CDC42BPA: variants seen among roughly 807,000 people sequenced by gnomAD.
CDC42BPA encodes CDC42 binding protein kinase alpha.
In CDC42BPA, 80 loss-of-function variants were observed where a neutral mutation model predicts 223.5. The observed-to-expected ratio is 0.36, with a 90% CI of 0.30 to 0.43. CDC42BPA has a LOEUF of 0.43. Ranked by LOEUF, CDC42BPA falls within the 20% of genes least tolerant of loss-of-function variation. The pLI, the probability that CDC42BPA is intolerant of heterozygous loss-of-function variation, is 1.00. For synonymous variants in CDC42BPA, 694 were observed against 718.6 expected, an observed-to-expected ratio of 0.97 and a Z score of 0.55; for missense variants, 1,743 against 2,099.9, an observed-to-expected ratio of 0.83 and a Z score of 3.32.
intron 11 of CDC42BPA, among the ~76,000 whole-genome samples, chr1:227,127,927 T>C (rs925893140): frequency 6.6e-6 from 1 of 152,164 alleles, no homozygotes; most frequent in African/African-American, 2.4e-5. Flanking sequence ...GGCCTCACCA[T>C]TCTCGTTAAA....
chr1:227,001,604 G>A (rs977312818), intron 35 of CDC42BPA, among the ~76,000 whole-genome samples: 3 of 152,172 alleles, frequency 2.0e-5, no homozygotes, highest in African/African-American at 2.4e-5. Flanking sequence ...TTCATGTGAT[G>A]ACAAAACCTA....
chr1:227,139,870 T>C, intron 9 of CDC42BPA, 128 bp from the exon 10 acceptor site: 2 of 455,126 alleles, frequency 4.4e-6, no homozygotes, highest in Non-Finnish European at 3.7e-6. Context: ...AAATTGCTCA[T>C]TTAAAACACA....
intron 17 of CDC42BPA, among the ~76,000 whole-genome samples, chr1:227,080,230 TAA>T (rs1471658083): frequency 2.0e-5 from 3 of 150,348 alleles, no homozygotes; most frequent in Non-Finnish European, 4.4e-5. Context: ...TATAAAAAGT[TAA>T]GTTACCTATT....
At chr1:227,101,299 CTTCT>C (rs1268055895) in intron 14 of CDC42BPA, 60 bp from the exon 15 acceptor site, 2 of 1,057,712 alleles carry the variant, frequency 1.9e-6, no homozygotes, top group African/African-American at 3.2e-5. Context: ...ATTTAAATAA[CTTCT>C]TTCTGTAATA....
intron 4 of CDC42BPA, among the ~76,000 whole-genome samples, chr1:227,195,255 G>A (rs944336899): frequency 8.5e-5 from 13 of 152,072 alleles, no homozygotes; most frequent in Non-Finnish European, 1.6e-4. Flanking sequence ...GTGCAGTGGC[G>A]CAATCTTGGT....
At chr1:227,025,974 TAA>T in intron 31 of CDC42BPA, 79 bp downstream of exon 31, 3 of 682,416 alleles carry the variant, frequency 4.4e-6, no homozygotes, top group Admixed American at 3.1e-5. Context: ...GTTGAATTAA[TAA>T]AAAAAAAATT....
intron 31 of CDC42BPA, among the ~76,000 whole-genome samples, chr1:227,024,778 T>C (rs1667958267): frequency 6.6e-6 from 1 of 152,208 alleles, no homozygotes; most frequent in South Asian, 2.1e-4. Context: ...AAATTCTGTA[T>C]TTTAAGAAAA....
chr1:227,281,434 T>A (rs1687999978), intron 1 of CDC42BPA, among the ~76,000 whole-genome samples: 1 of 152,106 alleles, frequency 6.6e-6, no homozygotes, highest in Non-Finnish European at 1.5e-5. Flanking sequence ...CCAGCCCCAT[T>A]CCAGGTCCTG....
At chr1:227,004,867 A>C (rs1663661884) in intron 35 of CDC42BPA, 127 bp downstream of exon 35, 2 of 791,394 alleles carry the variant, frequency 2.5e-6, no homozygotes, top group South Asian at 2.7e-5. Flanking sequence ...AGGGTCTGAG[A>C]CACTGCAGCC....
rs76075685 is a variant in CDC42BPA, at chr1:227,124,741, T to C, written c.1513+4368A>G. Among the ~76,000 whole-genome samples the C allele has an allele frequency of 9.2e-3, 1,393 of 152,168 alleles. 24 individuals are homozygous for C. The highest frequency in any genetic ancestry group is 0.032 in the African/African-American group (1,331 of 41,520). On this transcript the variant is annotated intron_variant, in intron 11 of 36. Transcript: ENST00000366766. Reference sequence around the variant, plus strand: ...GGGCCTTGTATTAGAATTGAGAAATTTCTACTTTATCCTGGAGGCAATGAG... The same window carrying C: ...GGGCCTTGTATTAGAATTGAGAAATCTCTACTTTATCCTGGAGGCAATGAG...
chr1:227,049,887 T>C (rs1008136340), intron 22 of CDC42BPA, among the ~76,000 whole-genome samples: 16 of 152,056 alleles, frequency 1.1e-4, no homozygotes, highest in Admixed American at 6.6e-4. Flanking sequence ...CCTAAACAAG[T>C]AAAAGCAAAA....
intron 4 of CDC42BPA, among the ~76,000 whole-genome samples, chr1:227,195,189 C>T (rs921467605): frequency 1.3e-4 from 20 of 151,960 alleles, no homozygotes; most frequent in African/African-American, 4.4e-4. Flanking sequence ...CTAGGCCCAA[C>T]GTTTTTGTTT....
At chr1:227,231,115 C>T (rs1365531444) in intron 2 of CDC42BPA, among the ~76,000 whole-genome samples, 11 of 150,680 alleles carry the variant, frequency 7.3e-5, no homozygotes, top group Admixed American at 7.3e-4. Flanking sequence ...AGGTATATCT[C>T]CTAATGCTAT....
intron 21 of CDC42BPA, among the ~76,000 whole-genome samples, chr1:227,060,053 C>T (rs1378129546): frequency 8.7e-5 from 8 of 91,752 alleles, no homozygotes; most frequent in African/African-American, 2.4e-4. Flanking sequence ...TTTTTTGAGA[C>T]GGGAGTCTCG....
chr1:227,150,671 A>G lies in CDC42BPA; in HGVS notation c.694-3112T>C, dbSNP rs372109792. Among the ~76,000 whole-genome samples, 7 of 152,254 alleles carry G rather than the reference A, an allele frequency of 4.6e-5. No individual in the cohort carries two copies. The South Asian group carries it at 1.2e-3, about 27-fold the overall frequency. On this transcript the variant is annotated intron_variant, in intron 6 of 36. Coordinates refer to ENST00000366766, the MANE Select transcript of CDC42BPA (RefSeq NM_001394014.1). ...AGATATTAGTAAACTTTACTAATAC[A>G]TTTAAATGGTGGTTAATTGGATAAC...
intron 31 of CDC42BPA, among the ~76,000 whole-genome samples, chr1:227,025,336 C>T (rs1476791025): frequency 6.6e-6 from 1 of 152,190 alleles, no homozygotes; most frequent in Non-Finnish European, 1.5e-5. Context: ...TTTAGATAAT[C>T]TGGCAGTATT....
chr1:227,220,582 T>C (rs1025697873), intron 2 of CDC42BPA, among the ~76,000 whole-genome samples: 8 of 152,108 alleles, frequency 5.3e-5, no homozygotes, highest in African/African-American at 1.9e-4. Flanking sequence ...TCCTGTCCTA[T>C]CTACTCTTCA....
chr1:227,040,235 C>G lies in CDC42BPA; in HGVS notation c.3095G>C (p.Arg1032Pro). ...CPGSTGFPPK[R>P]KTHQFFVKSF... ...TTTTACAAAAAACTGGTGAGTCTTG[C>G]GCTGCAAAACAAATTGATAAAAAAA... is the stretch of plus-strand genomic sequence containing the variant. The change falls in exon 24 of 37, where the codon CGC (arginine) becomes CCC (proline). Residue 1032 changes from arginine to proline, a missense_variant and splice_region_variant. Physicochemically the swap from Arg to Pro is moderately radical, Grantham distance 103 (BLOSUM62 -2). Around this residue, in one of 6 missense-constraint regions of CDC42BPA, gnomAD observed 678 missense variants for 777.5 expected, o/e 0.87. Transcript: ENST00000366766. The G allele has an allele frequency of 6.3e-7, 1 of 1,585,464 alleles. No individual in the cohort carries two copies. The highest frequency in any genetic ancestry group is 8.7e-7 in the Non-Finnish European group (1 of 1,154,622).
chr1:227,034,554 A>G, intron 26 of CDC42BPA, 101 bp downstream of exon 26: 1 of 1,049,398 alleles, frequency 9.5e-7, no homozygotes, highest in Non-Finnish European at 1.4e-6. Flanking sequence ...ATACGAAATT[A>G]GTTCATTTAA....
Sources: allele counts gnomAD v4.1 joint callset (sites outside exome capture counted in the v4.1 genomes callset), GRCh38; gene constraint gnomAD v4.1.1; regional missense constraint gnomAD v4.1.1; transcripts MANE v1.5; gene names NCBI Gene and HGNC (gene_info 2026-07-23, HGNC 2026-07-21).